ADAMTS14: variants seen among roughly 807,000 people sequenced by gnomAD.
The protein encoded by ADAMTS14 is ADAM metallopeptidase with thrombospondin type 1 motif 14.
A neutral mutation model predicts 128.6 loss-of-function variants in ADAMTS14; 100 were observed. That is an observed-to-expected ratio of 0.78 (90% CI 0.66 to 0.92). The LOEUF (loss-of-function observed/expected upper bound fraction) is 0.92, where lower values mean the gene tolerates loss of function less well. Ranked by LOEUF, ADAMTS14 falls within the 40% of genes least tolerant of loss-of-function variation. ADAMTS14 has a pLI of 0.00. For synonymous variants in ADAMTS14, 665 were observed against 653.8 expected (o/e 1.02, Z -0.26); for missense variants, 1,562 against 1,658.6 (o/e 0.94, Z 1.01).
rs201206201 is a variant in ADAMTS14, at chr10:70,738,798, C to G, written c.1600-44C>G. On this transcript the variant is annotated intron_variant, in intron 10 of 21. Transcript: ENST00000373207. ...TTTCTGGCTCCCCGGGTGGGCTCAG[C>G]AGCAGCAGCCCAGGGTGACCTCATG... The G allele has an allele frequency of 2.5e-6, 4 of 1,612,026 alleles. No individual in the cohort carries two copies. The Admixed American group carries it at 6.7e-5, about 27-fold the overall frequency.
intron 3 of ADAMTS14, among the ~76,000 whole-genome samples, chr10:70,707,917 T>C (rs1411454169): frequency 6.6e-6 from 1 of 152,234 alleles, no homozygotes; most frequent in South Asian, 2.1e-4. Context: ...AATCGAATGG[T>C]TGTGACCGAG....
chr10:70,726,178 T>C (rs1001413215), intron 4 of ADAMTS14, among the ~76,000 whole-genome samples: 1 of 152,210 alleles, frequency 6.6e-6, no homozygotes, highest in Non-Finnish European at 1.5e-5. Context: ...TGAGCTGTGA[T>C]TCTATCTCCT....
At chr10:70,720,360 A>G (rs545636459) in intron 4 of ADAMTS14, among the ~76,000 whole-genome samples, 5 of 152,334 alleles carry the variant, frequency 3.3e-5, no homozygotes, top group Non-Finnish European at 5.9e-5. Context: ...GAGCAGCCTC[A>G]TCCTCCAAGA....
rs1029854951 is a variant in ADAMTS14, at chr10:70,729,991, T to C, written c.955-111T>C. 3.0e-6 allele frequency: 4 copies of C among 1,333,836 alleles called. No individual in the cohort carries two copies. The African/African-American group carries it at 4.4e-5, about 15-fold the overall frequency. The allele number at this position is 1,333,836 out of a possible 1,614,324, so 82.6% of individuals were successfully genotyped here. ...CAGCTGGTGATCTTGGGGTGGGTCC[T>C]GCAGTCCTCTGGGCCTTAGCGTTCC... is the stretch of plus-strand genomic sequence containing the variant. On this transcript the variant is annotated intron_variant, in intron 5 of 21. Coordinates refer to ENST00000373207, the MANE Select transcript of ADAMTS14 (RefSeq NM_080722.4).
chr10:70,760,605 G>A lies in ADAMTS14; in HGVS notation c.3424G>A (p.Asp1142Asn). 1.9e-6 allele frequency: 3 copies of A among 1,614,080 alleles called. No individual in the cohort carries two copies. The highest frequency in any genetic ancestry group is 1.7e-4 in the Middle Eastern group (1 of 6,060). ...EPPGKPTGSE[D>N]HQHGRATQLP... ...TCCTGGAAAGCCAACGGGATCAGAGGACCATCAGCATGGCCGAGCCACACA... is the reference window on the plus strand; with the variant it reads ...TCCTGGAAAGCCAACGGGATCAGAGAACCATCAGCATGGCCGAGCCACACA... Residue 1142 changes from aspartate to asparagine, a missense_variant, in exon 22 of 22, where the codon GAC becomes AAC. By Grantham distance (23) the Asp-to-Asn change is conservative (BLOSUM62 1). Coordinates refer to ENST00000373207, the MANE Select transcript of ADAMTS14 (RefSeq NM_080722.4).
At chr10:70,721,733 G>A (rs1488841283) in intron 4 of ADAMTS14, among the ~76,000 whole-genome samples, 1 of 151,982 alleles carries the variant, frequency 6.6e-6, no homozygotes, top group Non-Finnish European at 1.5e-5. Flanking sequence ...AACATGAACA[G>A]GTGAAGAGTT....
Position 70,744,051 on chromosome 10 carries a change from C to G in ADAMTS14, c.2059-15C>G. On this transcript the variant is annotated splice_polypyrimidine_tract_variant and intron_variant, in intron 13 of 21. Transcript: ENST00000373207. ...CAGGGGAGCCTCCTCCCACTGACCT[C>G]ACCTCTGGCCTCAGCCTGTCGGCTG... 6.4e-7 allele frequency: 1 copy of G among 1,556,544 alleles called. No homozygotes were observed.
rs148767810 is a variant in ADAMTS14, at chr10:70,749,811, C to T, written c.2264-11C>T. 1.5e-4 allele frequency: 241 copies of T among 1,613,284 alleles called. 4 individuals carry two copies. The South Asian group carries it at 1.6e-3, about 11-fold the overall frequency. On this transcript the variant is annotated splice_polypyrimidine_tract_variant and intron_variant, in intron 15 of 21. Coordinates refer to ENST00000373207, the MANE Select transcript of ADAMTS14 (RefSeq NM_080722.4). ...CAGAAATCTGTGTGACCCTCTCCCCCCACCGGTCAGTGGTGAAGAACCAGG... is the reference window on the plus strand; with the variant it reads ...CAGAAATCTGTGTGACCCTCTCCCCTCACCGGTCAGTGGTGAAGAACCAGG...
rs1043305212 is a variant in ADAMTS14 at position 70,758,351 on chromosome 10, G to A, written c.3178+66G>A. 1.1e-5 allele frequency: 16 copies of A among 1,443,072 alleles called. No homozygotes were observed. The Admixed American group carries it at 2.8e-4, about 26-fold the overall frequency. 89.4% of individuals were successfully genotyped at this position (1,443,072 alleles called of 1,614,324 possible). A position where few individuals can be genotyped will look rare whatever the true frequency, so the allele number is the denominator to read the frequency against. ...TTCAGTGGCCCTGGTGTTGCAGCAT[G>A]GGCCACTCAGTGGAGCAAACCCAGC... is the stretch of plus-strand genomic sequence containing the variant. On this transcript the variant is annotated intron_variant, in intron 21 of 21. Transcript: ENST00000373207.
At chr10:70,701,347 G>A (rs1167613757) in intron 2 of ADAMTS14, among the ~76,000 whole-genome samples, 4 of 152,238 alleles carry the variant, frequency 2.6e-5, no homozygotes, top group Non-Finnish European at 5.9e-5. Context: ...CCAGTCCTTG[G>A]TATGTAGTAG....
chr10:70,721,813 A>G (rs1014427804), intron 4 of ADAMTS14, among the ~76,000 whole-genome samples: 15 of 152,244 alleles, frequency 9.9e-5, no homozygotes, highest in Non-Finnish European at 1.9e-4. Context: ...CATAGTCCTC[A>G]GTGTGTGACC....
intron 2 of ADAMTS14, among the ~76,000 whole-genome samples, chr10:70,685,542 A>G (rs1001901618): frequency 6.6e-6 from 1 of 151,852 alleles, no homozygotes; most frequent in African/African-American, 2.4e-5. Flanking sequence ...CTCCCTCTTC[A>G]TTTTCCAGTA....
intron 14 of ADAMTS14, among the ~76,000 whole-genome samples, chr10:70,744,543 T>C (rs1476077927): frequency 1.3e-5 from 2 of 152,160 alleles, no homozygotes; most frequent in Non-Finnish European, 2.9e-5. Flanking sequence ...GACTGATAAT[T>C]TTCTTTTCCT....
rs549264071 is a variant in ADAMTS14, at chr10:70,750,004, G to T, written c.2427+19G>T. ...CATCCTGGTGAGCCCCACTCTGTGC[G>T]GTGGCAACCCCTGCCCACCCCACTT... is the stretch of plus-strand genomic sequence containing the variant. On this transcript the variant is annotated intron_variant, in intron 16 of 21. Coordinates refer to ENST00000373207, the MANE Select transcript of ADAMTS14 (RefSeq NM_080722.4). 5.0e-6 allele frequency: 8 copies of T among 1,610,498 alleles called. No homozygotes were observed. The highest frequency in any genetic ancestry group is 1.3e-5 in the African/African-American group (1 of 74,958).
intron 17 of ADAMTS14, 91 bp downstream of exon 17, chr10:70,751,737 A>T (rs1842357997): frequency 2.0e-6 from 3 of 1,483,668 alleles, no homozygotes; most frequent in East Asian, 2.3e-5. Context: ...TCTCCATTTG[A>T]TGTGTCCTTG....
In ADAMTS14 at chr10:70,751,604, G is replaced by C; in HGVS notation, c.2554G>C (p.Ala852Pro). 6.2e-7 allele frequency: 1 copy of C among 1,612,848 alleles called. No individual in the cohort carries two copies. The highest frequency in any genetic ancestry group is 1.3e-5 in the African/African-American group (1 of 75,020). ...LLEEMDTYEWALKSWAPCSKA... is the reference protein window; with the variant it reads ...LLEEMDTYEWPLKSWAPCSKA... The stretch of plus-strand genomic sequence containing the variant: ...GGAGGAGATGGACACCTATGAGTGG[G>C]CGCTCAAGAGCTGGGCCCCCTGCAG... Residue 852 changes from alanine to proline, a missense_variant, in exon 17 of 22, where the codon GCG (alanine) becomes CCG (proline). Transcript: ENST00000373207.
intron 19 of ADAMTS14, among the ~76,000 whole-genome samples, chr10:70,754,649 C>T (rs528626163): frequency 1.3e-5 from 2 of 152,114 alleles, no homozygotes; most frequent in South Asian, 2.1e-4. Flanking sequence ...ATAGGGGCTG[C>T]GAGATAACAC....
rs780768629 is a variant in ADAMTS14, at chr10:70,753,929, C to G, written c.2859C>G (p.Ala953=). Residue 953 remains alanine, a synonymous_variant, in exon 19 of 22, where the codon GCC becomes GCG. Transcript: ENST00000373207. ...AGGTCATGCCGGCCAAAGCCTGCGC[C>G]GGGGACCGGCCTGAGGCCCGACGGC... ...THKVMPAKAC[A]GDRPEARRPC... is the part of the protein sequence containing the mutation. 6.3e-7 allele frequency: 1 copy of G among 1,588,090 alleles called. No individual in the cohort carries two copies. Among genetic ancestry groups the G allele is most frequent in the African/African-American group, 1.3e-5 (1 of 74,626 alleles).
Position 70,756,871 on chromosome 10 carries a change from T to A in ADAMTS14, c.2938-1091T>A, listed in dbSNP as rs141694205. Among the ~76,000 whole-genome samples, 468 of 152,334 alleles carry A rather than the reference T, an allele frequency of 3.1e-3. 1 individual carries two copies. The highest frequency in any genetic ancestry group is 5.5e-3 in the Non-Finnish European group (377 of 68,026). On this transcript the variant is annotated intron_variant, in intron 19 of 21. Coordinates refer to ENST00000373207, the MANE Select transcript of ADAMTS14 (RefSeq NM_080722.4). Reference sequence around the variant, plus strand: ...GTCCCTCAACTCTGATTTAGTTGGGTGTGACAAGTATGACCCTATTCATAT... The same window carrying A: ...GTCCCTCAACTCTGATTTAGTTGGGAGTGACAAGTATGACCCTATTCATAT...
Sources: allele counts gnomAD v4.1 joint callset (sites outside exome capture counted in the v4.1 genomes callset), GRCh38; gene constraint gnomAD v4.1.1; transcripts MANE v1.5; gene names NCBI Gene and HGNC (gene_info 2026-07-23, HGNC 2026-07-21).